The following FAM3B variants were observed in gnomAD, a reference collection of about 807,000 sequenced individuals.
The protein encoded by FAM3B is protein FAM3B.
FAM3B carries 29 observed loss-of-function variants against 28.4 expected under a neutral mutation model. The observed-to-expected ratio is 1.02, with a 90% confidence interval of 0.76 to 1.39. The LOEUF is 1.39. Among genes scored for constraint, FAM3B ranks in the 40% most tolerant of loss-of-function variants. The pLI is 0.00. For missense variants in FAM3B, 266 were observed against 293.9 expected (o/e 0.91, Z 0.69); for synonymous variants, 91 against 103.0 (o/e 0.88, Z 0.71).
chr21:41,330,801 T>C (rs2145809075), intron 2 of FAM3B, among the ~76,000 whole-genome samples: 1 of 152,354 alleles, frequency 6.6e-6, no homozygotes, highest in East Asian at 1.9e-4. Context: ...TAGTATTCTA[T>C]TGTGCACTCT....
rs1005523156 is a variant in FAM3B at position 41,338,592 on chromosome 21, G to A, written c.287+91G>A. The A allele has an allele frequency of 4.8e-5, 73 of 1,536,668 alleles. No individual in the cohort carries two copies. In the African/African-American group the frequency reaches 8.3e-4, roughly 17 times the overall value. ...GACCAAGCAGCAGTTCTGCCCACAGGAGAGAACCATATGTCGTTGGTCTCA... is the reference window on the plus strand; with the variant it reads ...GACCAAGCAGCAGTTCTGCCCACAGAAGAGAACCATATGTCGTTGGTCTCA... On this transcript the variant is annotated intron_variant, in intron 3 of 7. Transcript: ENST00000357985.
intron 1 of FAM3B, chr21:41,319,840 A>G (rs1332409441): frequency 1.3e-5 from 2 of 151,728 alleles, no homozygotes; most frequent in Non-Finnish European, 2.9e-5. Flanking sequence ...CCCCATTTAC[A>G]TGTTGTAGTC....
chr21:41,343,571 A>G (rs778725886), intron 3 of FAM3B, among the ~76,000 whole-genome samples: 9 of 152,182 alleles, frequency 5.9e-5, no homozygotes, highest in African/African-American at 2.4e-5. Context: ...AAAACAAAAT[A>G]TTAAAGTTCC....
intron 2 of FAM3B, among the ~76,000 whole-genome samples, chr21:41,336,503 C>G (rs959179394): frequency 2.0e-5 from 3 of 152,168 alleles, no homozygotes; most frequent in African/African-American, 7.2e-5. Flanking sequence ...GCCTGGGTGA[C>G]AGAGTGAGAC....
At chr21:41,341,892 C>A (rs1490781179) in intron 3 of FAM3B, among the ~76,000 whole-genome samples, 1 of 152,098 alleles carries the variant, frequency 6.6e-6, no homozygotes, top group African/African-American at 2.4e-5. Context: ...TTCCTAAGAC[C>A]CAATAACAGG....
chr21:41,322,952 G>A lies in FAM3B; in HGVS notation c.49G>A (p.Ala17Thr), dbSNP rs371282791. 41 of 1,613,454 alleles carry A rather than the reference G, an allele frequency of 2.5e-5. No homozygotes were observed. Among genetic ancestry groups the A allele is most frequent in the Non-Finnish European group, 3.1e-5 (37 of 1,180,034 alleles). The change falls in exon 2 of 8, where the codon GCC becomes ACC. Residue 17 changes from alanine (A) to threonine (T), a missense_variant. Ala to Thr is a moderately conservative substitution (Grantham distance 58). Transcript: ENST00000357985. ...GCTCAAGGTGGTGTTCGTGGTCTTC[G>A]CCTCCTTGTGTGCCTGGTATTCGGG... The part of the protein sequence containing the change: ...GLLKVVFVVF[A>T]SLCAWYSGYL...
At chr21:41,309,119 A>G (rs1040698650) in intron 1 of FAM3B, among the ~76,000 whole-genome samples, 3 of 152,226 alleles carry the variant, frequency 2.0e-5, no homozygotes, top group Non-Finnish European at 4.4e-5. Context: ...CTAATGGGTA[A>G]AAGACAGGGT....
intron 6 of FAM3B, among the ~76,000 whole-genome samples, chr21:41,347,554 A>T (rs1215961239): frequency 6.6e-6 from 1 of 152,110 alleles, no homozygotes; most frequent in Non-Finnish European, 1.5e-5. Context: ...AGGGTTCGAG[A>T]CCATCCTGGC....
intron 2 of FAM3B, among the ~76,000 whole-genome samples, chr21:41,323,303 C>T (rs934469667): frequency 5.3e-5 from 8 of 152,238 alleles, no homozygotes; most frequent in Non-Finnish European, 1.0e-4. Flanking sequence ...CACAAACCTG[C>T]AGCCAGACCT....
chr21:41,309,364 C>T (rs2088698011), intron 1 of FAM3B, among the ~76,000 whole-genome samples: 1 of 152,176 alleles, frequency 6.6e-6, no homozygotes, highest in South Asian at 2.1e-4. Flanking sequence ...GGTGCCTTTC[C>T]TTCCCACAGT....
chr21:41,308,535 C>CTTT (rs562737882), intron 1 of FAM3B, among the ~76,000 whole-genome samples: 21 of 119,520 alleles, frequency 1.8e-4, no homozygotes, highest in Middle Eastern at 4.3e-3. Flanking sequence ...TTTTTCTTTT[C>CTTT]TTTTTTTTTT....
chr21:41,334,618 G>A (rs896643518), intron 2 of FAM3B, among the ~76,000 whole-genome samples: 1 of 152,148 alleles, frequency 6.6e-6, no homozygotes, highest in Non-Finnish European at 1.5e-5. Context: ...AGACTATATG[G>A]GAAATCCTGA....
intron 3 of FAM3B, among the ~76,000 whole-genome samples, chr21:41,341,016 G>A (rs764385724): frequency 2.0e-5 from 3 of 152,026 alleles, no homozygotes; most frequent in Non-Finnish European, 1.5e-5. Flanking sequence ...ATGAATATGT[G>A]TGCATATGTG....
chr21:41,325,166 G>A (rs919882283), intron 2 of FAM3B, among the ~76,000 whole-genome samples: 1 of 152,162 alleles, frequency 6.6e-6, no homozygotes, highest in African/African-American at 2.4e-5. Flanking sequence ...CTCCAATTGG[G>A]AAGGGGTGAA....
At chr21:41,346,777 T>TGTTA (rs1208339360) in intron 5 of FAM3B, among the ~76,000 whole-genome samples, 1 of 152,044 alleles carries the variant, frequency 6.6e-6, no homozygotes, top group Admixed American at 6.6e-5. Flanking sequence ...CTATTGCAAG[T>TGTTA]GTTAGGTTCT....
chr21:41,345,845 G>T, intron 5 of FAM3B, 109 bp downstream of exon 5: 1 of 716,736 alleles, frequency 1.4e-6, no homozygotes, highest in South Asian at 1.5e-5. Flanking sequence ...CTAGAAAAAC[G>T]CCAGCAGCTC....
At chr21:41,337,913 GTT>G (rs1208640449) in intron 2 of FAM3B, among the ~76,000 whole-genome samples, 1 of 151,910 alleles carries the variant, frequency 6.6e-6, no homozygotes, top group Non-Finnish European at 1.5e-5. Context: ...TGGTGTGTAT[GTT>G]TATAGTGTAT....
chr21:41,322,297 A>G (rs924791359), intron 1 of FAM3B, among the ~76,000 whole-genome samples: 1 of 152,160 alleles, frequency 6.6e-6, no homozygotes, highest in African/African-American at 2.4e-5. Flanking sequence ...ATCAACCAGA[A>G]AGATATCTCC....
At chr21:41,354,904 A>G (rs527812610) in intron 7 of FAM3B, among the ~76,000 whole-genome samples, 1 of 152,322 alleles carries the variant, frequency 6.6e-6, no homozygotes, top group African/African-American at 2.4e-5. Context: ...TAAACCACAG[A>G]ATGGGAGAAA....
Sources: gnomAD v4.1 joint callset for allele counts (sites outside exome capture counted in the v4.1 genomes callset) on GRCh38, gnomAD v4.1.1 for gene constraint, MANE v1.5 for transcripts, NCBI Gene and HGNC (gene_info 2026-07-23, HGNC 2026-07-21) for gene names.